Variants in MAN2A1 observed in about 807,000 individuals in gnomAD.
MAN2A1 encodes alpha-mannosidase 2.
MAN2A1 carries 76 observed loss-of-function variants against 142.6 expected under a neutral mutation model. The ratio of observed to expected loss-of-function variants is 0.53; its 90% CI spans 0.44 to 0.65. MAN2A1 has a LOEUF of 0.65. MAN2A1 is among the 30% of genes least tolerant of loss of function. The pLI, the probability that MAN2A1 is intolerant of heterozygous loss-of-function variation, is 0.00. For synonymous variants in MAN2A1, 559 were observed against 473.2 expected (o/e 1.18, Z -2.35); for missense variants, 1,311 against 1,365.1 (o/e 0.96, Z 0.62).
At chr5:109,710,149 CTT>C (rs1414161579) in intron 1 of MAN2A1, among the ~76,000 whole-genome samples, 1 of 152,182 alleles carries the variant, frequency 6.6e-6, no homozygotes, top group Non-Finnish European at 1.5e-5. Flanking sequence ...TCTCCATGTA[CTT>C]AATTCAGTAC....
Position 109,713,693 on chromosome 5 carries a change from G to A in MAN2A1, c.309G>A (p.Leu103=), listed in dbSNP as rs1330229234. 6.2e-7 allele frequency: 1 copy of A among 1,614,148 alleles called. No individual in the cohort carries two copies. ...NFSQGAGSHL[L]PSQLSLSVDT... ...GCCAAGGTGCTGGCTCACATCTTCTGCCCTCACAATTATCCCTCTCAGTTG... is the reference window on the plus strand; with the variant it reads ...GCCAAGGTGCTGGCTCACATCTTCTACCCTCACAATTATCCCTCTCAGTTG... The change falls in exon 2 of 22, where the codon CTG becomes CTA. Residue 103 remains leucine (L), a synonymous_variant. Transcript: ENST00000261483.
At chr5:109,841,533 CTCTA>C (rs1255240479) in intron 16 of MAN2A1, among the ~76,000 whole-genome samples, 1 of 152,166 alleles carries the variant, frequency 6.6e-6, no homozygotes, top group East Asian at 1.9e-4. Context: ...ATTTCCTCTT[CTCTA>C]TCTATGAAAT....
intron 3 of MAN2A1, among the ~76,000 whole-genome samples, chr5:109,729,133 A>G (rs781522065): frequency 1.3e-5 from 2 of 152,142 alleles, no homozygotes; most frequent in Admixed American, 6.6e-5. Context: ...TGCAGTTTTC[A>G]GAGTGTTTTC....
At chr5:109,745,184 T>G (rs1752367665) in intron 4 of MAN2A1, among the ~76,000 whole-genome samples, 1 of 152,146 alleles carries the variant, frequency 6.6e-6, no homozygotes, top group Non-Finnish European at 1.5e-5. Flanking sequence ...TTTTGGATAG[T>G]GATTACAGTT....
intron 1 of MAN2A1, among the ~76,000 whole-genome samples, chr5:109,698,218 A>T (rs1750869788): frequency 6.6e-6 from 1 of 152,258 alleles, no homozygotes; most frequent in Admixed American, 6.5e-5. Context: ...AGCTGTAAAT[A>T]GAAGATGGAA....
At chr5:109,700,335 C>G (rs1251982419) in intron 1 of MAN2A1, among the ~76,000 whole-genome samples, 1 of 146,462 alleles carries the variant, frequency 6.8e-6, no homozygotes, top group East Asian at 2.0e-4. Context: ...AACTGCCATG[C>G]TTCTTCTAGA....
At chr5:109,850,550 A>G (rs1002209199) in intron 19 of MAN2A1, among the ~76,000 whole-genome samples, 1 of 152,224 alleles carries the variant, frequency 6.6e-6, no homozygotes, top group Non-Finnish European at 1.5e-5. Context: ...AATCACTGAC[A>G]AGATAGCTTA....
intron 7 of MAN2A1, among the ~76,000 whole-genome samples, chr5:109,771,863 T>C (rs1331383944): frequency 6.6e-6 from 1 of 152,172 alleles, no homozygotes; most frequent in Non-Finnish European, 1.5e-5. Flanking sequence ...AGTGCATTCA[T>C]AGTATTGTGA....
At chr5:109,846,232 C>G (rs765681470) in intron 18 of MAN2A1, among the ~76,000 whole-genome samples, 3 of 152,074 alleles carry the variant, frequency 2.0e-5, no homozygotes, top group Non-Finnish European at 4.4e-5. Flanking sequence ...CCTAAAATTC[C>G]ATGTCAAGAT....
chr5:109,765,772 A>G (rs1056978358), intron 5 of MAN2A1, among the ~76,000 whole-genome samples: 8 of 152,078 alleles, frequency 5.3e-5, no homozygotes, highest in Non-Finnish European at 1.0e-4. Flanking sequence ...ATAATGCATT[A>G]TTTATTTTCA....
At position 109,855,185 on chromosome 5, in the gene MAN2A1, A is replaced by G. The variant is rs376275218; in HGVS notation, c.3022A>G (p.Ile1008Val). 12 of 1,599,856 alleles carry G rather than the reference A, an allele frequency of 7.5e-6. No homozygotes were observed. The African/African-American group carries it at 8.1e-5, about 11-fold the overall frequency. ...CAGTTATCCTTCTCTCCTTAGCCAC[A>G]TAACTTCTTCTCTCATGAATCATCC... The part of the protein sequence containing the change: ...SVSYPSLLSH[I>V]TSSLMNHPVI... Residue 1008 changes from isoleucine to valine, a missense_variant, in exon 20 of 22, where the codon ATA (isoleucine) becomes GTA (valine). Physicochemically the swap from Ile to Val is conservative, Grantham distance 29 (BLOSUM62 3). Transcript: ENST00000261483.
At chr5:109,850,001 C>T (rs998320284) in intron 19 of MAN2A1, among the ~76,000 whole-genome samples, 4 of 152,120 alleles carry the variant, frequency 2.6e-5, no homozygotes, top group Non-Finnish European at 4.4e-5. Flanking sequence ...GTGATAGTTC[C>T]GGTTAGTGCT....
chr5:109,735,069 A>G (rs1164245591), intron 4 of MAN2A1, among the ~76,000 whole-genome samples: 3 of 152,172 alleles, frequency 2.0e-5, no homozygotes, highest in Non-Finnish European at 4.4e-5. Flanking sequence ...TATTGGGTGC[A>G]TGTATATTTA....
chr5:109,862,155 G>A (rs775713092), intron 20 of MAN2A1, among the ~76,000 whole-genome samples: 3 of 152,190 alleles, frequency 2.0e-5, no homozygotes, highest in Non-Finnish European at 4.4e-5. Context: ...CACAGGTCCA[G>A]CTTAGCTTGC....
intron 18 of MAN2A1, among the ~76,000 whole-genome samples, chr5:109,846,478 A>G (rs1755347021): frequency 6.6e-6 from 1 of 152,192 alleles, no homozygotes; most frequent in Admixed American, 6.5e-5. Context: ...ATGGGGATAA[A>G]GAGGTGTGGC....
At chr5:109,723,181 T>A (rs752614015) in intron 3 of MAN2A1, among the ~76,000 whole-genome samples, 1 of 152,176 alleles carries the variant, frequency 6.6e-6, no homozygotes, top group Non-Finnish European at 1.5e-5. Flanking sequence ...TCCTCTGGTG[T>A]GGGGTAAAAT....
chr5:109,784,518 C>A (rs1159432611), intron 9 of MAN2A1, among the ~76,000 whole-genome samples: 1 of 152,048 alleles, frequency 6.6e-6, no homozygotes, highest in Non-Finnish European at 1.5e-5. Flanking sequence ...AACAAGGACT[C>A]CTGATACCAG....
At chr5:109,697,409 G>A (rs1478024846) in intron 1 of MAN2A1, among the ~76,000 whole-genome samples, 2 of 152,182 alleles carry the variant, frequency 1.3e-5, no homozygotes, top group African/African-American at 4.8e-5. Flanking sequence ...TGGGGTGGAG[G>A]TGGGAGGTTA....
Position 109,845,925 on chromosome 5 carries a change from A to G in MAN2A1, c.2761A>G (p.Thr921Ala). Residue 921 changes from threonine (T) to alanine (A), a missense_variant, in exon 18 of 22, where the codon ACA becomes GCA. Physicochemically the swap from Thr to Ala is moderately conservative, Grantham distance 58. Around this residue, in one of 3 missense-constraint regions of MAN2A1, gnomAD observed 890 missense variants for 920.5 expected, o/e 0.97. Transcript: ENST00000261483. The part of the protein sequence containing the change: ...PLQANVYPMT[T>A]MAYIQDAKHR... The stretch of plus-strand genomic sequence containing the variant: ...TCAAGCAAATGTCTATCCCATGACC[A>G]CAATGGCCTATATCCAGGATGCCAA... 6.2e-7 allele frequency: 1 copy of G among 1,613,854 alleles called. No individual in the cohort carries two copies. Among genetic ancestry groups the G allele is most frequent in the Non-Finnish European group, 8.5e-7 (1 of 1,179,782 alleles).
Sources: allele counts gnomAD v4.1 joint callset (sites outside exome capture counted in the v4.1 genomes callset), GRCh38; gene constraint gnomAD v4.1.1; regional missense constraint gnomAD v4.1.1; transcripts MANE v1.5; gene names NCBI Gene and HGNC (gene_info 2026-07-23, HGNC 2026-07-21).